Variants in RBFOX1 observed in about 807,000 individuals in gnomAD.
The protein encoded by RBFOX1 is RNA binding fox-1 homolog 1.
Under a neutral mutation model 57.7 loss-of-function variants are expected in RBFOX1, and 8 were observed. The observed-to-expected ratio is 0.14, with a 90% CI of 0.08 to 0.25. RBFOX1 has a LOEUF of 0.25. RBFOX1 is among the 10% of genes least tolerant of loss of function. RBFOX1 has a pLI of 1.00. For missense variants in RBFOX1, 611 were observed against 548.5 expected (o/e 1.11, Z -1.14); for synonymous variants, 326 against 222.4 (o/e 1.47, Z -4.15).
intron 2 of RBFOX1, among the ~76,000 whole-genome samples, chr16:6,581,232 T>G (rs1192994412): frequency 6.6e-6 from 1 of 152,138 alleles, no homozygotes; most frequent in Admixed American, 6.5e-5. Context: ...AAGCTTTCCC[T>G]TTGGTGATTT....
chr16:7,037,938 C>G (rs915595980), intron 3 of RBFOX1, among the ~76,000 whole-genome samples: 6 of 152,052 alleles, frequency 3.9e-5, no homozygotes, highest in African/African-American at 1.2e-4. Context: ...TTATCAACTT[C>G]TGATAAAATT....
chr16:6,793,112 G>C (rs1345449913), intron 3 of RBFOX1, among the ~76,000 whole-genome samples: 1 of 151,834 alleles, frequency 6.6e-6, no homozygotes, highest in African/African-American at 2.4e-5. Context: ...AAAAGTTCAT[G>C]GTACGCCTGC....
At chr16:6,306,790 C>T (rs1159166774) in intron 1 of RBFOX1, among the ~76,000 whole-genome samples, 1 of 152,142 alleles carries the variant, frequency 6.6e-6, no homozygotes, top group Non-Finnish European at 1.5e-5. Context: ...TAAAAGTTGT[C>T]GTTTTCTCTG....
intron 3 of RBFOX1, among the ~76,000 whole-genome samples, chr16:6,799,699 C>A (rs74007060): frequency 2.0e-5 from 3 of 152,066 alleles, no homozygotes; most frequent in African/African-American, 7.3e-5. Context: ...GCTGAGTCTT[C>A]CACCTTTCGT....
At chr16:6,931,771 C>G (rs1032640346) in intron 3 of RBFOX1, among the ~76,000 whole-genome samples, 1 of 152,262 alleles carries the variant, frequency 6.6e-6, no homozygotes, top group Non-Finnish European at 1.5e-5. Flanking sequence ...CTGTGGTCTG[C>G]CACAAACTGG....
intron 1 of RBFOX1, among the ~76,000 whole-genome samples, chr16:6,028,472 G>C (rs374669099): frequency 2.5e-4 from 34 of 136,278 alleles, no homozygotes; most frequent in African/African-American, 8.9e-4. Flanking sequence ...AGGAGTTGGA[G>C]ACCAGCCTAG....
At chr16:6,225,634 AC>A in intron 1 of RBFOX1, among the ~76,000 whole-genome samples, 1 of 152,346 alleles carries the variant, frequency 6.6e-6, no homozygotes, top group Non-Finnish European at 1.5e-5. Context: ...GGAATTGCTC[AC>A]AATACAATAT....
chr16:5,967,422 G>T (rs1030882508), intron 4 of RBFOX1, among the ~76,000 whole-genome samples: 1 of 151,966 alleles, frequency 6.6e-6, no homozygotes, highest in Non-Finnish European at 1.5e-5. Flanking sequence ...TCTTAACCCG[G>T]TATTGGAATC....
intron 1 of RBFOX1, among the ~76,000 whole-genome samples, chr16:6,174,817 C>G (rs1011410281): frequency 2.0e-5 from 3 of 152,144 alleles, no homozygotes; most frequent in African/African-American, 7.2e-5. Context: ...TCAGGCTGAT[C>G]AGCTAAGCTT....
intron 1 of RBFOX1, among the ~76,000 whole-genome samples, chr16:6,235,233 A>C (rs537694817): frequency 6.6e-6 from 1 of 152,072 alleles, no homozygotes; most frequent in South Asian, 2.1e-4. Flanking sequence ...CCCTTCTTCC[A>C]TGTGGTCATT....
intron 2 of RBFOX1, among the ~76,000 whole-genome samples, chr16:5,575,969 T>A (rs2046439723): frequency 6.7e-6 from 1 of 150,208 alleles, no homozygotes; most frequent in Non-Finnish European, 1.5e-5. Flanking sequence ...GATAGAGAGA[T>A]TTGCAGAAAT....
intron 3 of RBFOX1, among the ~76,000 whole-genome samples, chr16:5,833,248 C>T (rs1234133616): frequency 1.3e-5 from 2 of 152,114 alleles, no homozygotes; most frequent in African/African-American, 4.8e-5. Flanking sequence ...AATCCCTGCA[C>T]TTTGGGAGGC....
intron 13 of RBFOX1, 45 bp from the exon 14 acceptor site, chr16:7,676,729 T>C (rs2073386795): frequency 2.6e-6 from 4 of 1,539,472 alleles, no homozygotes; most frequent in Non-Finnish European, 3.6e-6. Context: ...ATCCCTGCAT[T>C]GGGCTCCGCT....
chr16:6,119,789 C>T (rs1026494515), intron 1 of RBFOX1, among the ~76,000 whole-genome samples: 1 of 152,176 alleles, frequency 6.6e-6, no homozygotes, highest in Non-Finnish European at 1.5e-5. Context: ...CACAAGTCTC[C>T]ATGTCTGGCC....
At chr16:5,394,565 CTTT>C (rs35758196) in intron 1 of RBFOX1, among the ~76,000 whole-genome samples, 9 of 134,252 alleles carry the variant, frequency 6.7e-5, no homozygotes, top group Admixed American at 1.5e-4. Context: ...TTCTTTCTGT[CTTT>C]TTTTTTTTTT....
At chr16:5,302,351 G>A (rs2063826350) in intron 1 of RBFOX1, among the ~76,000 whole-genome samples, 1 of 152,144 alleles carries the variant, frequency 6.6e-6, no homozygotes, top group Non-Finnish European at 1.5e-5. Context: ...TGGAGCAGCA[G>A]CAGCATATGG....
At chr16:5,517,847 TACAC>T (rs60932835) in intron 2 of RBFOX1, among the ~76,000 whole-genome samples, 6 of 150,532 alleles carry the variant, frequency 4.0e-5, no homozygotes, top group African/African-American at 1.2e-4. Flanking sequence ...CATATATGTA[TACAC>T]ACACACACAC....
chr16:6,872,474 C>T (rs550810258), intron 3 of RBFOX1, among the ~76,000 whole-genome samples: 1 of 152,190 alleles, frequency 6.6e-6, no homozygotes, highest in South Asian at 2.1e-4. Flanking sequence ...CTGAATTAGC[C>T]CCTTGCTTTA....
Position 7,587,259 on chromosome 16 carries a change from A to G in RBFOX1, c.427A>G (p.Ile143Val). ...LRQMFGQFGK[I>V]LDVEIIFNER... ...TATTTCTTTGCAGCAATTTGGTAAA[A>G]TCTTAGATGTTGAAATTATTTTTAA... The change falls in exon 7 of 16, where the codon ATC becomes GTC. Residue 143 changes from isoleucine (I) to valine (V), a missense_variant. By Grantham distance (29) the Ile-to-Val change is conservative. Around this residue, in one of 3 missense-constraint regions of RBFOX1, gnomAD observed 99 missense variants for 160.3 expected, o/e 0.62. Transcript: ENST00000550418. The G allele has an allele frequency of 6.4e-7, 1 of 1,570,042 alleles. No homozygotes were observed.
Sources: gnomAD v4.1 joint callset for allele counts (sites outside exome capture counted in the v4.1 genomes callset) on GRCh38, gnomAD v4.1.1 for gene constraint, gnomAD v4.1.1 regional missense constraint, MANE v1.5 for transcripts, NCBI Gene and HGNC (gene_info 2026-07-23, HGNC 2026-07-21) for gene names.